Variants in GRM5 observed in about 807,000 individuals in gnomAD.
GRM5 encodes glutamate metabotropic receptor 5.
GRM5 carries 19 observed loss-of-function variants against 83.1 expected under a neutral mutation model. The ratio of observed to expected loss-of-function variants is 0.23; its 90% CI spans 0.16 to 0.34. The LOEUF (loss-of-function observed/expected upper bound fraction) is 0.34. Ranked by LOEUF, GRM5 falls within the 10% of genes least tolerant of loss-of-function variation. The probability of loss-of-function intolerance (pLI) is 1.00; values close to 1 mark genes in which losing one functional copy is unlikely to be tolerated. For missense variants in GRM5, 1,160 were observed against 1,588.3 expected (o/e 0.73, Z 4.58); for synonymous variants, 675 against 633.6 (o/e 1.07, Z -0.98).
intron 2 of GRM5, among the ~76,000 whole-genome samples, chr11:88,954,606 A>T (rs561859447): frequency 2.4e-4 from 37 of 152,328 alleles, no homozygotes; most frequent in Non-Finnish European, 1.9e-4. Flanking sequence ...GTGGCTATTG[A>T]GTACTTGAAA....
At chr11:88,616,360 G>A (rs1938482284) in intron 4 of GRM5, among the ~76,000 whole-genome samples, 1 of 148,954 alleles carries the variant, frequency 6.7e-6, no homozygotes, top group Non-Finnish European at 1.5e-5. Flanking sequence ...CAAGAGAGAT[G>A]GGGGTTGGAT....
At chr11:88,745,920 A>G (rs1942128914) in intron 3 of GRM5, among the ~76,000 whole-genome samples, 1 of 152,222 alleles carries the variant, frequency 6.6e-6, no homozygotes. Context: ...GACCTTGGGA[A>G]TATTATTTAG....
rs61343398 is a variant in GRM5, at chr11:89,023,140, AGT to A, written c.661+24070_661+24071del. 2.5e-3 allele frequency among the ~76,000 whole-genome samples: 360 copies of A among 146,664 alleles called. 2 individuals are homozygous for A. Among genetic ancestry groups the A allele is most frequent in the South Asian group, 6.2e-3 (29 of 4,672 alleles). On this transcript the variant is annotated intron_variant, in intron 2 of 9. Transcript: ENST00000305447. Reference sequence around the variant, plus strand: ...GGGCATGAATGAAGTATATGCAAAGAGTGTGTGTGTGTGTGTGTGTGTGTGCG... The same window carrying A: ...GGGCATGAATGAAGTATATGCAAAGAGTGTGTGTGTGTGTGTGTGTGTGCG...
At chr11:88,994,448 TATATATATATATATATA>T (rs1940102963) in intron 2 of GRM5, among the ~76,000 whole-genome samples, 1 of 17,162 alleles carries the variant, frequency 5.8e-5, no homozygotes, top group Admixed American at 5.0e-4. Context: ...TAACTGATTA[TATATATATATATATATA>T]TATATATATA....
chr11:88,553,262 G>T (rs1447491994), intron 8 of GRM5, among the ~76,000 whole-genome samples: 3 of 152,130 alleles, frequency 2.0e-5, no homozygotes, highest in African/African-American at 7.2e-5. Flanking sequence ...TGCTATGCTG[G>T]CAGGCCGTAG....
intron 8 of GRM5, among the ~76,000 whole-genome samples, chr11:88,550,771 C>T (rs1175620446): frequency 6.6e-6 from 1 of 152,112 alleles, no homozygotes; most frequent in Admixed American, 6.5e-5. Context: ...GATAATTTCC[C>T]AAATGTCTTT....
chr11:88,608,092 A>T (rs181330350), intron 4 of GRM5, among the ~76,000 whole-genome samples: 2 of 151,998 alleles, frequency 1.3e-5, no homozygotes, highest in East Asian at 3.9e-4. Context: ...TGCAATTGAG[A>T]CTCCATCCAC....
intron 2 of GRM5, among the ~76,000 whole-genome samples, chr11:88,886,889 G>C (rs1489545484): frequency 2.0e-5 from 3 of 152,118 alleles, no homozygotes; most frequent in Non-Finnish European, 4.4e-5. Flanking sequence ...TCAAGGGAAG[G>C]CATCTTTGTG....
At chr11:89,020,531 G>A (rs1361718041) in intron 2 of GRM5, among the ~76,000 whole-genome samples, 1 of 152,136 alleles carries the variant, frequency 6.6e-6, no homozygotes, top group Non-Finnish European at 1.5e-5. Context: ...CACTGTTAGA[G>A]GAGTAAAAAC....
At chr11:88,986,136 A>T (rs1390020209) in intron 2 of GRM5, among the ~76,000 whole-genome samples, 1 of 152,190 alleles carries the variant, frequency 6.6e-6, no homozygotes, top group African/African-American at 2.4e-5. Flanking sequence ...ACCATGGTAC[A>T]TCCATCTCAT....
intron 8 of GRM5, among the ~76,000 whole-genome samples, chr11:88,528,125 A>G (rs1474399822): frequency 6.6e-6 from 1 of 152,030 alleles, no homozygotes; most frequent in Non-Finnish European, 1.5e-5. Context: ...AACAAAAACA[A>G]AACCTAACTG....
At chr11:88,754,699 G>A (rs1942360797) in intron 3 of GRM5, among the ~76,000 whole-genome samples, 1 of 151,918 alleles carries the variant, frequency 6.6e-6, no homozygotes, top group Non-Finnish European at 1.5e-5. Context: ...CATATGTGAG[G>A]GTCTGTATGT....
intron 4 of GRM5, among the ~76,000 whole-genome samples, chr11:88,630,653 A>G (rs1938941442): frequency 6.6e-6 from 1 of 151,162 alleles, no homozygotes; most frequent in African/African-American, 2.4e-5. Flanking sequence ...ATCTTGGCTC[A>G]CTGCAACCTC....
intron 4 of GRM5, among the ~76,000 whole-genome samples, chr11:88,613,327 T>C (rs959183580): frequency 1.3e-5 from 2 of 152,172 alleles, no homozygotes; most frequent in African/African-American, 4.8e-5. Context: ...ATTGTGTAGC[T>C]TCCTAAATCT....
chr11:89,039,277 A>AT (rs1261636449), intron 2 of GRM5, among the ~76,000 whole-genome samples: 13 of 149,730 alleles, frequency 8.7e-5, no homozygotes, highest in Admixed American at 4.0e-4. Flanking sequence ...AATAAAAAAA[A>AT]AATATATATA....
chr11:88,517,105 C>T (rs1051131015), intron 9 of GRM5, among the ~76,000 whole-genome samples: 3 of 148,708 alleles, frequency 2.0e-5, no homozygotes, highest in Non-Finnish European at 3.0e-5. Context: ...TTTTTTCTTA[C>T]AATTGTAATA....
intron 4 of GRM5, among the ~76,000 whole-genome samples, chr11:88,623,044 G>A (rs34557387): frequency 0.12 from 18,265 of 152,094 alleles, 1,456 homozygotes; most frequent in Non-Finnish European, 0.18. Context: ...CTTGTTAAGT[G>A]TTAATTATGA....
At chr11:88,945,884 G>A (rs1385031686) in intron 2 of GRM5, among the ~76,000 whole-genome samples, 1 of 151,932 alleles carries the variant, frequency 6.6e-6, no homozygotes, top group Non-Finnish European at 1.5e-5. Context: ...AAATTGACAA[G>A]TCAGATCTAG....
intron 6 of GRM5, among the ~76,000 whole-genome samples, chr11:88,591,687 T>C (rs1227168340): frequency 6.6e-6 from 1 of 152,210 alleles, no homozygotes; most frequent in East Asian, 1.9e-4. Flanking sequence ...AATATAATTG[T>C]AAGCTGACAA....
Sources: gnomAD v4.1 joint callset for allele counts (sites outside exome capture counted in the v4.1 genomes callset) on GRCh38, gnomAD v4.1.1 for gene constraint, MANE v1.5 for transcripts, NCBI Gene and HGNC (gene_info 2026-07-23, HGNC 2026-07-21) for gene names.